Variants in IL2RA observed in about 807,000 individuals in gnomAD.
The protein encoded by IL2RA is interleukin 2 receptor subunit alpha, also known as interleukin-2 receptor subunit alpha.
A neutral mutation model predicts 37.8 loss-of-function variants in IL2RA; 24 were observed. The observed-to-expected ratio is 0.63, with a 90% CI of 0.46 to 0.89. IL2RA has a LOEUF of 0.89. IL2RA is among the 40% of genes least tolerant of loss of function. The pLI is 0.00. For missense variants in IL2RA, 319 were observed against 348.6 expected, an observed-to-expected ratio of 0.92 and a Z score of 0.68; for synonymous variants, 125 against 114.6, an observed-to-expected ratio of 1.09 and a Z score of -0.58.
chr10:6,021,481 G>A lies in IL2RA; in HGVS notation c.580C>T (p.Pro194Ser). ...CTGEMETSQF[P>S]GEEKPQASPE... ...CCCCAGAAGGGAGCCACCCTACCTG[G>A]AAACTGACTGGTCTCCATTTCACCT... The change falls in exon 4 of 8, where the codon CCA becomes TCA. Residue 194 changes from proline (P) to serine (S), a missense_variant. Transcript: ENST00000379959. The surrounding 1 kb of genome is among the most constrained non-coding windows in gnomAD (Gnocchi z 4.9). 1.2e-6 allele frequency: 2 copies of A among 1,613,584 alleles called. No homozygotes were observed. The highest frequency in any genetic ancestry group is 1.1e-5 in the South Asian group (1 of 91,054).
chr10:6,041,272 G>A (rs988532009), intron 1 of IL2RA, among the ~76,000 whole-genome samples: 1 of 151,910 alleles, frequency 6.6e-6, no homozygotes. Context: ...CCACGATCAC[G>A]CCCAGCTAAT....
chr10:6,022,940 A>G lies in IL2RA; in HGVS notation c.368-1247T>C, dbSNP rs539532216. ...ATTCCAGGACAAAGTCGGAAGGGGA[A>G]GGAGTAAGAGCATCATGTTGCAACT... is the stretch of plus-strand genomic sequence containing the variant. On this transcript the variant is annotated intron_variant, in intron 3 of 7. Transcript: ENST00000379959. The surrounding 1 kb of genome is among the most constrained non-coding windows in gnomAD (Gnocchi z 4.7). Among the ~76,000 whole-genome samples the G allele has an allele frequency of 5.3e-5, 8 of 152,342 alleles. No homozygotes were observed. The South Asian group carries it at 1.7e-3, about 32-fold the overall frequency.
At position 6,044,203 on chromosome 10, in the gene IL2RA, G is replaced by A. The variant is rs543589537; in HGVS notation, c.64+17885C>T. On this transcript the variant is annotated intron_variant, in intron 1 of 7. Transcript: ENST00000379959. This position sits in a 1 kb window ranked among gnomAD's most constrained non-coding sequence, Gnocchi z 4.5. ...ATGCAGGACAAGCGAGCCCCGAGGTGGGGCTTAGCCCGCAAGGGTTCTTGG... is the reference window on the plus strand; with the variant it reads ...ATGCAGGACAAGCGAGCCCCGAGGTAGGGCTTAGCCCGCAAGGGTTCTTGG... 6.6e-6 allele frequency among the ~76,000 whole-genome samples: 1 copy of A among 152,362 alleles called. No homozygotes were observed. Among genetic ancestry groups the A allele is most frequent in the East Asian group, 1.9e-4 (1 of 5,188 alleles).
At chr10:6,026,664 G>T (rs1839488184) in intron 1 of IL2RA, among the ~76,000 whole-genome samples, 1 of 152,154 alleles carries the variant, frequency 6.6e-6, no homozygotes, top group African/African-American at 2.4e-5. Context: ...ACTATTAAAA[G>T]GAAAAGTGGC....
In IL2RA at chr10:6,022,210, C is replaced by T. The variant is rs1044582586; in HGVS notation, c.368-517G>A. On this transcript the variant is annotated intron_variant, in intron 3 of 7. Coordinates refer to ENST00000379959, the MANE Select transcript of IL2RA (RefSeq NM_000417.3). The surrounding 1 kb of genome is among the most constrained non-coding windows in gnomAD (Gnocchi z 4.7). ...GCGGCTGGGCATCTTGGGATGATGT[C>T]GGAAGGATTGGGGACAACACCAAAG... is the stretch of plus-strand genomic sequence containing the variant. 9.9e-5 allele frequency among the ~76,000 whole-genome samples: 15 copies of T among 151,974 alleles called. No individual in the cohort carries two copies. Among genetic ancestry groups the T allele is most frequent in the Non-Finnish European group, 1.3e-4 (9 of 67,990 alleles).
Position 6,018,843 on chromosome 10 carries a change from C to A in IL2RA, c.727+585G>T, listed in dbSNP as rs1036891339. Among the ~76,000 whole-genome samples, 2 of 152,170 alleles carry A rather than the reference C, an allele frequency of 1.3e-5. No individual in the cohort carries two copies. Among genetic ancestry groups the A allele is most frequent in the African/African-American group, 4.8e-5 (2 of 41,430 alleles). ...GGGGTCCTTTCAGTCAACCAACCAA[C>A]CTACCAATCAACTAACCAACTAACA... On this transcript the variant is annotated intron_variant, in intron 6 of 7. Transcript: ENST00000379959. The surrounding 1 kb of genome is among the most constrained non-coding windows in gnomAD (Gnocchi z 5.1).
Position 6,010,856 on chromosome 10 carries a change from G to A in IL2RA, c.*2016C>T, listed in dbSNP as rs1459815382. ...GTCGATAACATCTTAGTATTATCATGGAAAAGTTTTGATCTTATAGACCCC... is the reference window on the plus strand; with the variant it reads ...GTCGATAACATCTTAGTATTATCATAGAAAAGTTTTGATCTTATAGACCCC... On this transcript the variant is annotated 3_prime_UTR_variant, in exon 8 of 8. Coordinates refer to ENST00000379959, the MANE Select transcript of IL2RA (RefSeq NM_000417.3). The A allele has an allele frequency of 6.6e-6, 1 of 152,200 alleles. No individual in the cohort carries two copies. Among genetic ancestry groups the A allele is most frequent in the East Asian group, 1.9e-4 (1 of 5,302 alleles). The allele number at this position is 152,200 out of a possible 1,614,324, so 9.4% of individuals were successfully genotyped here. A position where few individuals can be genotyped will look rare whatever the true frequency, so the allele number is the denominator to read the frequency against.
Position 6,024,097 on chromosome 10 carries a change from G to A in IL2RA, c.367+147C>T, listed in dbSNP as rs935511423. 3 of 688,662 alleles carry A rather than the reference G, an allele frequency of 4.4e-6. No homozygotes were observed. The African/African-American group carries it at 5.3e-5, about 12-fold the overall frequency. 42.7% of individuals were successfully genotyped at this position (688,662 alleles called of 1,614,324 possible). Reference sequence around the variant, plus strand: ...TCTGAGCAACTCTGCACTAATTCTTGTCTGCAATGATGTCTTGGGAGGACG... The same window carrying A: ...TCTGAGCAACTCTGCACTAATTCTTATCTGCAATGATGTCTTGGGAGGACG... On this transcript the variant is annotated intron_variant, in intron 3 of 7. Coordinates refer to ENST00000379959, the MANE Select transcript of IL2RA (RefSeq NM_000417.3).
intron 1 of IL2RA, among the ~76,000 whole-genome samples, chr10:6,037,257 T>G (rs996576266): frequency 1.4e-4 from 21 of 152,180 alleles, no homozygotes; most frequent in Admixed American, 1.4e-3. Context: ...TGTCGTTATT[T>G]TTTTTCTCTG....
In IL2RA at chr10:6,029,600, A is replaced by G. The variant is rs77894868; in HGVS notation, c.65-3575T>C. Among the ~76,000 whole-genome samples, 1,324 of 152,248 alleles carry G rather than the reference A, an allele frequency of 8.7e-3. 34 individuals carry two copies. Among genetic ancestry groups the G allele is most frequent in the African/African-American group, 0.03 (1,247 of 41,530 alleles). On this transcript the variant is annotated intron_variant, in intron 1 of 7. Coordinates refer to ENST00000379959, the MANE Select transcript of IL2RA (RefSeq NM_000417.3). This position sits in a 1 kb window ranked among gnomAD's most constrained non-coding sequence, Gnocchi z 4.6. Reference sequence around the variant, plus strand: ...GTAACATCGCCAGGTAGCCTAAAATATTTACTCTCTGGCCCTTTCAGAAAA... The same window carrying G: ...GTAACATCGCCAGGTAGCCTAAAATGTTTACTCTCTGGCCCTTTCAGAAAA...
intron 1 of IL2RA, among the ~76,000 whole-genome samples, chr10:6,032,533 A>T (rs1839614519): frequency 6.6e-6 from 1 of 152,064 alleles, no homozygotes; most frequent in Non-Finnish European, 1.5e-5. Context: ...TCTACTAAAA[A>T]TACAAAAAAA....
chr10:6,012,849 G>A lies in IL2RA; in HGVS notation c.*23C>T. 1.2e-6 allele frequency: 2 copies of A among 1,612,668 alleles called. No individual in the cohort carries two copies. Among genetic ancestry groups the A allele is most frequent in the Non-Finnish European group, 1.7e-6 (2 of 1,178,638 alleles). ...TTGTCTGTTCCCGGCTTCTTACCAAGAAATTCTTGTTCTTTTGGTTTTCTA... is the reference window on the plus strand; with the variant it reads ...TTGTCTGTTCCCGGCTTCTTACCAAAAAATTCTTGTTCTTTTGGTTTTCTA... On this transcript the variant is annotated 3_prime_UTR_variant, in exon 8 of 8. Transcript: ENST00000379959. This position sits in a 1 kb window ranked among gnomAD's most constrained non-coding sequence, Gnocchi z 4.8.
In IL2RA at chr10:6,029,767, C is replaced by T. The variant is rs186474503; in HGVS notation, c.65-3742G>A. ...TTGCCCAGGCTGGAGTGCAGTGGCACAATCTTGGCTCACTGAAACCTCTGC... is the reference window on the plus strand; with the variant it reads ...TTGCCCAGGCTGGAGTGCAGTGGCATAATCTTGGCTCACTGAAACCTCTGC... On this transcript the variant is annotated intron_variant, in intron 1 of 7. Coordinates refer to ENST00000379959, the MANE Select transcript of IL2RA (RefSeq NM_000417.3). The surrounding 1 kb of genome is among the most constrained non-coding windows in gnomAD (Gnocchi z 4.6). 2.0e-3 allele frequency among the ~76,000 whole-genome samples: 306 copies of T among 152,164 alleles called. 1 individual carries two copies. The highest frequency in any genetic ancestry group is 3.6e-3 in the Non-Finnish European group (248 of 67,996).
At chr10:6,039,651 G>A (rs1839740025) in intron 1 of IL2RA, 2 of 152,160 alleles carry the variant, frequency 1.3e-5, no homozygotes, top group South Asian at 2.1e-4. Context: ...TAAACAGAAG[G>A]AAATGTTGAA....
intron 1 of IL2RA, among the ~76,000 whole-genome samples, chr10:6,031,423 T>C (rs1839572031): frequency 7.7e-6 from 1 of 129,170 alleles, no homozygotes; most frequent in African/African-American, 2.9e-5. Context: ...TACCAGAATT[T>C]AGCAAGTTAG....
At position 6,022,629 on chromosome 10, in the gene IL2RA, C is replaced by T. The variant is rs544524165; in HGVS notation, c.368-936G>A. Among the ~76,000 whole-genome samples, 1 of 150,276 alleles carries T rather than the reference C, an allele frequency of 6.7e-6. No homozygotes were observed. The highest frequency in any genetic ancestry group is 1.9e-4 in the East Asian group (1 of 5,168). On this transcript the variant is annotated intron_variant, in intron 3 of 7. Coordinates refer to ENST00000379959, the MANE Select transcript of IL2RA (RefSeq NM_000417.3). This position sits in a 1 kb window ranked among gnomAD's most constrained non-coding sequence, Gnocchi z 4.7. ...TGGGTGGCCCTGTCCCAGGCTGGCT[C>T]CTGCCATGTGGCACCTTGAACATCA...
In IL2RA at chr10:6,016,365, T is replaced by A. The variant is rs192717851; in HGVS notation, c.794+1688A>T. 9.9e-5 allele frequency among the ~76,000 whole-genome samples: 15 copies of A among 152,182 alleles called. No homozygotes were observed. The East Asian group carries it at 2.9e-3, about 29-fold the overall frequency. On this transcript the variant is annotated intron_variant, in intron 7 of 7. Transcript: ENST00000379959. ...ATCTCTGTTCTTTATAAGTTATAAA[T>A]CTCTGTTCTTTATAAATCTCTGTTC...
In IL2RA at chr10:6,045,267, C is replaced by T. The variant is rs80037754; in HGVS notation, c.64+16821G>A. On this transcript the variant is annotated intron_variant, in intron 1 of 7. Transcript: ENST00000379959. ...AAAATGAGTAACTCACAGGGTAAGA[C>T]CCTTTTGGAGAACAACTGTGCCTTA... is the stretch of plus-strand genomic sequence containing the variant. 7.4e-3 allele frequency among the ~76,000 whole-genome samples: 1,121 copies of T among 152,274 alleles called. 9 individuals carry two copies. The highest frequency in any genetic ancestry group is 0.012 in the Non-Finnish European group (811 of 68,030).
intron 1 of IL2RA, among the ~76,000 whole-genome samples, chr10:6,030,464 A>G (rs1323657): frequency 0.49 from 74,959 of 151,942 alleles, 19,317 homozygotes; most frequent in East Asian, 0.72. Context: ...CAGAAACAAT[A>G]GAAGCAGAAA....
Sources: gnomAD v4.1 joint callset for allele counts (sites outside exome capture counted in the v4.1 genomes callset) on GRCh38, gnomAD v4.1.1 for gene constraint, Gnocchi (gnomAD v3.1) non-coding constraint, MANE v1.5 for transcripts, NCBI Gene and HGNC (gene_info 2026-07-23, HGNC 2026-07-21) for gene names.